Variants in KRT7 observed in about 807,000 individuals in gnomAD.
KRT7 encodes the protein keratin 7, also known as keratin, type II cytoskeletal 7.
Under a neutral mutation model 42.8 loss-of-function variants are expected in KRT7, and 50 were observed. That is an observed-to-expected ratio of 1.17 (90% CI 0.93 to 1.48). The LOEUF (loss-of-function observed/expected upper bound fraction) is 1.48. Among genes scored for constraint, KRT7 ranks in the 40% most tolerant of loss-of-function variants. KRT7 has a pLI of 0.00. For synonymous variants in KRT7, 268 were observed against 266.3 expected (o/e 1.01, Z -0.06); for missense variants, 588 against 637.6 (o/e 0.92, Z 0.84).
Position 52,248,777 on chromosome 12 carries a change from C to T in KRT7, c.*17C>T, listed in dbSNP as rs549949216. ...CGCGACTGAGCCGCCTCCCACCACTCCACTCCTCCAGCCACCACCCACAAT... is the reference window on the plus strand; with the variant it reads ...CGCGACTGAGCCGCCTCCCACCACTTCACTCCTCCAGCCACCACCCACAAT... On this transcript the variant is annotated 3_prime_UTR_variant, in exon 9 of 9. Transcript: ENST00000331817. The T allele has an allele frequency of 2.6e-5, 40 of 1,525,382 alleles. No individual in the cohort carries two copies. In the Middle Eastern group the frequency reaches 1.2e-3, roughly 45 times the overall value. 94.5% of individuals were successfully genotyped at this position (1,525,382 alleles called of 1,614,324 possible).
In KRT7 at chr12:52,241,627, C is replaced by G; in HGVS notation, c.849C>G (p.Tyr283Ter). The change falls in exon 5 of 9, where the codon TAC becomes TAG. Residue 283 changes from tyrosine to a stop codon, truncating the protein, a stop_gained. Transcript: ENST00000331817. LOFTEE classifies it high-confidence loss of function. The part of the protein sequence containing the change: ...KCSRAEAEAW[Y>*]QTKFETLQAQ... Reference sequence around the variant, plus strand: ...GCCGGGCTGAGGCTGAAGCCTGGTACCAGACCAAGGTGTGAGGCCACCAGG... The same window carrying G: ...GCCGGGCTGAGGCTGAAGCCTGGTAGCAGACCAAGGTGTGAGGCCACCAGG... 7.5e-6 allele frequency: 12 copies of G among 1,609,450 alleles called. No individual in the cohort carries two copies. Among genetic ancestry groups the G allele is most frequent in the Non-Finnish European group, 1.0e-5 (12 of 1,177,374 alleles).
At chr12:52,236,828 C>T (rs757159543) in intron 2 of KRT7, among the ~76,000 whole-genome samples, 16 of 152,170 alleles carry the variant, frequency 1.1e-4, no homozygotes, top group Non-Finnish European at 2.4e-4. Flanking sequence ...TCCTAAGGGC[C>T]AGGAGTGGCT....
At chr12:52,244,685 G>T in intron 6 of KRT7, 1 of 967,300 alleles carries the variant, frequency 1.0e-6, no homozygotes, top group Non-Finnish European at 1.2e-6. Flanking sequence ...TGAGGCCTGG[G>T]ACTATTCAGG....
downstream of KRT7, chr12:52,254,294 T>G (rs1413368150): frequency 1.0e-6 from 1 of 977,330 alleles, no homozygotes; most frequent in African/African-American, 1.6e-5. Context: ...CCTCAGGAAG[T>G]CGATCTCCTG....
chr12:52,252,478 A>T, downstream of KRT7: 1 of 1,613,882 alleles, frequency 6.2e-7, no homozygotes, highest in Non-Finnish European at 8.5e-7. Context: ...TCCAGCTTGG[A>T]GTTCTGGGAG....
chr12:52,238,670 C>A lies in KRT7; in HGVS notation c.598-10C>A. 6.2e-7 allele frequency: 1 copy of A among 1,600,304 alleles called. No individual in the cohort carries two copies. The highest frequency in any genetic ancestry group is 8.6e-7 in the Non-Finnish European group (1 of 1,167,326). On this transcript the variant is annotated splice_polypyrimidine_tract_variant and intron_variant, in intron 3 of 8. Transcript: ENST00000331817. The stretch of plus-strand genomic sequence containing the variant: ...GGTCTCCCTCTGCCCCATCTTGCCC[C>A]AACCCCCAGGATGTGGATGCTGCCT...
chr12:52,242,897 C>G, intron 5 of KRT7, 115 bp from the exon 6 acceptor site: 1 of 1,240,546 alleles, frequency 8.1e-7, no homozygotes, highest in Non-Finnish European at 1.1e-6. Context: ...TGATGGGAGT[C>G]AGACTGTCCT....
Position 52,248,755 on chromosome 12 carries a change from G to A in KRT7, c.1405G>A (p.Asp469Asn), listed in dbSNP as rs199869601. The change falls in exon 9 of 9, where the codon GAC becomes AAC. Residue 469 changes from aspartate (D) to asparagine (N), a missense_variant. Coordinates refer to ENST00000331817, the MANE Select transcript of KRT7 (RefSeq NM_005556.4). ...TASASRRSAR[D>N] is the part of the protein sequence containing the mutation. ...ATCCGCCAGTCGCAGGAGTGCCCGCGACTGAGCCGCCTCCCACCACTCCAC... is the reference window on the plus strand; with the variant it reads ...ATCCGCCAGTCGCAGGAGTGCCCGCAACTGAGCCGCCTCCCACCACTCCAC... 73 of 1,559,954 alleles carry A rather than the reference G, an allele frequency of 4.7e-5. No homozygotes were observed. Among genetic ancestry groups the A allele is most frequent in the African/African-American group, 1.4e-5 (1 of 73,130 alleles).
chr12:52,253,844 G>A (rs1025475356), downstream of KRT7: 19 of 491,310 alleles, frequency 3.9e-5, no homozygotes, highest in African/African-American at 7.8e-5. Flanking sequence ...ATCATCCCTT[G>A]TCCCCTTTCC....
At chr12:52,252,894 A>G (rs749143565), downstream of KRT7, among the ~76,000 whole-genome samples, 1 of 152,202 alleles carries the variant, frequency 6.6e-6, no homozygotes, top group Non-Finnish European at 1.5e-5. Flanking sequence ...ACAACAGGCC[A>G]GAGAGGTTAA....
chr12:52,250,891 C>T (rs754364525), downstream of KRT7, among the ~76,000 whole-genome samples: 5 of 152,236 alleles, frequency 3.3e-5, no homozygotes, highest in East Asian at 1.9e-4. Flanking sequence ...TGTCATTGTG[C>T]GAACATCATG....
chr12:52,254,588 C>T (rs990293551), downstream of KRT7, among the ~76,000 whole-genome samples: 3 of 152,176 alleles, frequency 2.0e-5, no homozygotes, highest in Admixed American at 6.5e-5. Context: ...CTGAGGTTTG[C>T]AGGTACTTCC....
At chr12:52,234,127 A>G (rs118045427) in intron 1 of KRT7, among the ~76,000 whole-genome samples, 1,298 of 82,782 alleles carry the variant, frequency 0.016, 6 homozygotes, top group African/African-American at 0.036. Flanking sequence ...GGGGCGGGGG[A>G]GGGGGGGGGG....
chr12:52,241,669 C>T, intron 5 of KRT7, 33 bp downstream of exon 5: 2 of 1,565,110 alleles, frequency 1.3e-6, no homozygotes, highest in Non-Finnish European at 1.7e-6. Context: ...TTTCCTCCTG[C>T]CAGGGTCCTT....
At chr12:52,241,351 TG>T in intron 4 of KRT7, 120 bp from the exon 5 acceptor site, 1 of 847,332 alleles carries the variant, frequency 1.2e-6, no homozygotes, top group Non-Finnish European at 1.8e-6. Flanking sequence ...CCTTGCTGCC[TG>T]GTGACTCAGC....
Position 52,243,336 on chromosome 12 carries a change from G to C in KRT7, c.984+199G>C, listed in dbSNP as rs73317411. ...CATGGGCTGATGGGAGAAAGGTCCT[G>C]GATGTGCACAGAGCCTGTGGAGGGA... On this transcript the variant is annotated intron_variant, in intron 6 of 8. Coordinates refer to ENST00000331817, the MANE Select transcript of KRT7 (RefSeq NM_005556.4). 3,592 of 605,134 alleles carry C rather than the reference G, an allele frequency of 5.9e-3. 113 individuals are homozygous for C. The African/African-American group carries it at 0.061, about 10-fold the overall frequency. 37.5% of individuals were successfully genotyped at this position (605,134 alleles called of 1,614,324 possible).
chr12:52,255,216 A>G, downstream of KRT7: 1 of 375,394 alleles, frequency 2.7e-6, no homozygotes, highest in Non-Finnish European at 5.3e-6. Flanking sequence ...ATTCTAAGGG[A>G]GTCCCTCCAC....
In KRT7 at chr12:52,241,652, G is replaced by A; in HGVS notation, c.858+16G>A. 2 of 1,594,884 alleles carry A rather than the reference G, an allele frequency of 1.3e-6. No individual in the cohort carries two copies. Among genetic ancestry groups the A allele is most frequent in the East Asian group, 2.3e-5 (1 of 44,262 alleles). Reference sequence around the variant, plus strand: ...CCAGACCAAGGTGTGAGGCCACCAGGGGCGTATTTCCTCCTGCCAGGGTCC... The same window carrying A: ...CCAGACCAAGGTGTGAGGCCACCAGAGGCGTATTTCCTCCTGCCAGGGTCC... On this transcript the variant is annotated intron_variant, in intron 5 of 8. Coordinates refer to ENST00000331817, the MANE Select transcript of KRT7 (RefSeq NM_005556.4).
At chr12:52,252,003 G>A (rs1736347761), downstream of KRT7, 2 of 668,544 alleles carry the variant, frequency 3.0e-6, no homozygotes, top group African/African-American at 3.5e-5. Flanking sequence ...TGTTATTTCA[G>A]GACCCACAAA....
Sources: allele counts gnomAD v4.1 joint callset (sites outside exome capture counted in the v4.1 genomes callset), GRCh38; gene constraint gnomAD v4.1.1; transcripts MANE v1.5; gene names NCBI Gene and HGNC (gene_info 2026-07-23, HGNC 2026-07-21).